The following IQCJ variants were observed in gnomAD, a reference collection of about 807,000 sequenced individuals.
IQCJ encodes IQ motif containing J, also known as IQ domain-containing protein J.
Under a neutral mutation model 11.0 loss-of-function variants are expected in IQCJ, and 9 were observed. The observed-to-expected ratio is 0.82, with a 90% CI of 0.49 to 1.43. The LOEUF (loss-of-function observed/expected upper bound fraction) is 1.43. Ranked by LOEUF, IQCJ falls within the 40% of genes most tolerant of loss-of-function variation. The probability of loss-of-function intolerance (pLI) is 0.00; values close to 1 mark genes in which losing one functional copy is unlikely to be tolerated. For missense variants in IQCJ, 146 were observed against 133.2 expected (o/e 1.10, Z -0.47); for synonymous variants, 55 against 51.3 (o/e 1.07, Z -0.31).
intron 1 of IQCJ, among the ~76,000 whole-genome samples, chr3:159,202,864 T>C (rs1724434574): frequency 6.6e-6 from 1 of 152,078 alleles, no homozygotes; most frequent in Non-Finnish European, 1.5e-5. Context: ...AGAACATAAT[T>C]TCACAGATTG....
intron 1 of IQCJ, among the ~76,000 whole-genome samples, chr3:159,206,835 A>G (rs1186683894): frequency 6.6e-6 from 1 of 152,210 alleles, no homozygotes; most frequent in Non-Finnish European, 1.5e-5. Context: ...ATTCTTCATT[A>G]ATCACATATA....
intron 2 of IQCJ, among the ~76,000 whole-genome samples, chr3:159,250,403 G>T (rs1175237022): frequency 1.3e-5 from 2 of 152,024 alleles, no homozygotes; most frequent in African/African-American, 2.4e-5. Context: ...AAGTATCCTT[G>T]TCATAAGTCT....
chr3:159,109,036 G>A (rs1298965033), intron 1 of IQCJ, among the ~76,000 whole-genome samples: 1 of 152,144 alleles, frequency 6.6e-6, no homozygotes, highest in African/African-American at 2.4e-5. Flanking sequence ...ACATATAGAG[G>A]TAGGTATAAT....
rs1728317494 is a variant in IQCJ, at chr3:159,263,146, A to G, written c.*415A>G. 7 of 841,140 alleles carry G rather than the reference A, an allele frequency of 8.3e-6. No homozygotes were observed. Among genetic ancestry groups the G allele is most frequent in the African/African-American group, 1.8e-5 (1 of 54,394 alleles). 52.1% of individuals were successfully genotyped at this position (841,140 alleles called of 1,614,324 possible). A position where few individuals can be genotyped will look rare whatever the true frequency, so the allele number is the denominator to read the frequency against. ...TCCAGGGGCCAGGTAAGTCACCCTC[A>G]TGACTGAGGTGGCTGAGCTGTGCCC... On this transcript the variant is annotated 3_prime_UTR_variant, in exon 4 of 4. Transcript: ENST00000397832.
At chr3:159,157,968 G>C (rs1721627308) in intron 1 of IQCJ, among the ~76,000 whole-genome samples, 1 of 152,088 alleles carries the variant, frequency 6.6e-6, no homozygotes, top group South Asian at 2.1e-4. Flanking sequence ...CATTTGGGCT[G>C]TTTCCAATCC....
intron 2 of IQCJ, among the ~76,000 whole-genome samples, chr3:159,249,811 G>T (rs2108207937): frequency 6.6e-6 from 1 of 152,284 alleles, no homozygotes; most frequent in South Asian, 2.1e-4. Flanking sequence ...GCTCAACAGG[G>T]TTTTGTGGTA....
At chr3:159,140,184 G>A in intron 1 of IQCJ, among the ~76,000 whole-genome samples, 1 of 152,080 alleles carries the variant, frequency 6.6e-6, no homozygotes, top group East Asian at 1.9e-4. Flanking sequence ...TTTACATTAG[G>A]GTTCACGATT....
At chr3:159,205,928 C>T (rs546924889) in intron 1 of IQCJ, among the ~76,000 whole-genome samples, 1 of 152,298 alleles carries the variant, frequency 6.6e-6, no homozygotes, top group African/African-American at 2.4e-5. Flanking sequence ...CCTACCCAAC[C>T]CTGGACACCA....
intron 1 of IQCJ, among the ~76,000 whole-genome samples, chr3:159,204,134 C>A (rs1724514094): frequency 6.6e-6 from 1 of 152,170 alleles, no homozygotes; most frequent in Non-Finnish European, 1.5e-5. Flanking sequence ...TTATCTACTG[C>A]TGCATAACAA....
chr3:159,253,267 C>T (rs1401726826), intron 3 of IQCJ, among the ~76,000 whole-genome samples: 2 of 151,688 alleles, frequency 1.3e-5, no homozygotes, highest in African/African-American at 4.8e-5. Flanking sequence ...TTTCTCACTT[C>T]TTATCCTTTT....
chr3:159,085,956 T>C (rs1483267561), intron 1 of IQCJ, among the ~76,000 whole-genome samples: 13 of 152,134 alleles, frequency 8.5e-5, no homozygotes, highest in African/African-American at 2.4e-4. Flanking sequence ...CTTTTGTTGC[T>C]ATTGCTTTTG....
chr3:159,077,133 C>T (rs977017125), intron 1 of IQCJ, among the ~76,000 whole-genome samples: 1 of 152,098 alleles, frequency 6.6e-6, no homozygotes, highest in Non-Finnish European at 1.5e-5. Flanking sequence ...TAAAACAATA[C>T]TTGTTTTAAT....
At chr3:159,226,505 A>AAT (rs776782814) in intron 1 of IQCJ, among the ~76,000 whole-genome samples, 1 of 152,170 alleles carries the variant, frequency 6.6e-6, no homozygotes, top group Non-Finnish European at 1.5e-5. Flanking sequence ...GAAGAGACCA[A>AAT]ATATATATAT....
chr3:159,124,974 A>G (rs1168068130), intron 1 of IQCJ, among the ~76,000 whole-genome samples: 1 of 152,156 alleles, frequency 6.6e-6, no homozygotes. Context: ...CCAACTTTAT[A>G]TATGAGAAAG....
Position 159,124,287 on chromosome 3 carries a change from C to T in IQCJ, c.9+54846C>T, listed in dbSNP as rs190824129. 1.4e-3 allele frequency among the ~76,000 whole-genome samples: 207 copies of T among 152,266 alleles called. 1 individual carries two copies. Among genetic ancestry groups the T allele is most frequent in the Non-Finnish European group, 1.8e-3 (120 of 68,018 alleles). On this transcript the variant is annotated intron_variant, in intron 1 of 3. Coordinates refer to ENST00000397832, the MANE Select transcript of IQCJ (RefSeq NM_001042706.3). The stretch of plus-strand genomic sequence containing the variant: ...TTCCCACATCTACTCTGACCTCATC[C>T]GACGCAGATCCACTTTGTGGCCACA...
At chr3:159,208,577 C>T (rs1355198475) in intron 1 of IQCJ, among the ~76,000 whole-genome samples, 1 of 152,232 alleles carries the variant, frequency 6.6e-6, no homozygotes, top group African/African-American at 2.4e-5. Context: ...CTGAGGTCTA[C>T]TCAATTCCTA....
chr3:159,103,993 G>C (rs1020875687), intron 1 of IQCJ, among the ~76,000 whole-genome samples: 1 of 152,244 alleles, frequency 6.6e-6, no homozygotes, highest in Non-Finnish European at 1.5e-5. Flanking sequence ...GGCAGAGAGA[G>C]CCTTCATCCA....
At chr3:159,085,036 T>G (rs898136677) in intron 1 of IQCJ, among the ~76,000 whole-genome samples, 1 of 152,034 alleles carries the variant, frequency 6.6e-6, no homozygotes, top group Non-Finnish European at 1.5e-5. Flanking sequence ...CATCTAGCAT[T>G]AGGTATATCT....
intron 1 of IQCJ, among the ~76,000 whole-genome samples, chr3:159,089,231 A>G (rs1187679357): frequency 1.3e-5 from 2 of 152,216 alleles, no homozygotes; most frequent in East Asian, 1.9e-4. Flanking sequence ...TTTCTTTAAG[A>G]ATGTTGAATA....
Sources: allele counts gnomAD v4.1 joint callset (sites outside exome capture counted in the v4.1 genomes callset), GRCh38; gene constraint gnomAD v4.1.1; transcripts MANE v1.5; gene names NCBI Gene and HGNC (gene_info 2026-07-23, HGNC 2026-07-21).